The following FABP2 variants were observed in gnomAD, a reference collection of about 807,000 sequenced individuals.
FABP2 encodes fatty acid-binding protein, intestinal.
Under a neutral mutation model 16.1 loss-of-function variants are expected in FABP2, and 11 were observed. The observed-to-expected ratio is 0.68, with a 90% CI of 0.43 to 1.13. The LOEUF is 1.13. FABP2 is among the 50% of genes most tolerant of loss of function. The pLI is 0.00. For synonymous variants in FABP2, 45 were observed against 50.9 expected, an observed-to-expected ratio of 0.88 and a Z score of 0.49; for missense variants, 146 against 155.1, an observed-to-expected ratio of 0.94 and a Z score of 0.31.
chr4:119,320,701 T>A lies in FABP2; in HGVS notation c.209A>T (p.Asn70Ile). The A allele has an allele frequency of 6.3e-7, 1 of 1,599,442 alleles. No individual in the cohort carries two copies. Among genetic ancestry groups the A allele is most frequent in the South Asian group, 1.1e-5 (1 of 88,064 alleles). ...EVVFELGVTF[N>I]YNLADGTELR... is the part of the protein sequence containing the mutation. Reference sequence around the variant, plus strand: ...TTCAGTTCCGTCTGCTAGATTGTAATTAAAGGTGACACCAAGTTCAAAAAC... The same window carrying A: ...TTCAGTTCCGTCTGCTAGATTGTAAATAAAGGTGACACCAAGTTCAAAAAC... Residue 70 changes from asparagine to isoleucine, a missense_variant, in exon 2 of 4, where the codon AAT becomes ATT. Transcript: ENST00000274024.
chr4:119,319,660 A>G lies in FABP2; in HGVS notation c.241-17T>C. The G allele has an allele frequency of 9.9e-7, 1 of 1,006,952 alleles. No individual in the cohort carries two copies. The allele number at this position is 1,006,952 out of a possible 1,614,324, so 62.4% of individuals were successfully genotyped here. Reference sequence around the variant, plus strand: ...CCAGGTCCCCTACATAATAATAATAATAATAATAATAATAATAATGGCATT... The same window carrying G: ...CCAGGTCCCCTACATAATAATAATAGTAATAATAATAATAATAATGGCATT... On this transcript the variant is annotated splice_polypyrimidine_tract_variant and intron_variant, in intron 2 of 3. Coordinates refer to ENST00000274024, the MANE Select transcript of FABP2 (RefSeq NM_000134.4).
chr4:119,318,224 T>TA lies in FABP2; in HGVS notation c.*816dup, dbSNP rs1001914831. 7.2e-5 allele frequency: 11 copies of TA among 152,122 alleles called. No individual in the cohort carries two copies. The highest frequency in any genetic ancestry group is 1.2e-4 in the Non-Finnish European group (8 of 67,990). 9.4% of individuals were successfully genotyped at this position (152,122 alleles called of 1,614,324 possible). On this transcript the variant is annotated 3_prime_UTR_variant, in exon 4 of 4. Coordinates refer to ENST00000274024, the MANE Select transcript of FABP2 (RefSeq NM_000134.4). Reference sequence around the variant, plus strand: ...CCCCCAGGGAAGAGAGCTGAGAGGATATCTATCAAAATCAGAATGGCAATT... The same window carrying TA: ...CCCCCAGGGAAGAGAGCTGAGAGGATAATCTATCAAAATCAGAATGGCAATT...
rs570249897 is a variant in FABP2 at position 119,318,493 on chromosome 4, G to A, written c.*548C>T. 19 of 152,294 alleles carry A rather than the reference G, an allele frequency of 1.2e-4. No homozygotes were observed. The highest frequency in any genetic ancestry group is 3.9e-4 in the African/African-American group (16 of 41,484). 9.4% of individuals were successfully genotyped at this position (152,294 alleles called of 1,614,324 possible). On this transcript the variant is annotated 3_prime_UTR_variant, in exon 4 of 4. Transcript: ENST00000274024. Reference sequence around the variant, plus strand: ...GCAGGAGGATTGCTTGAGGCCAGGGGTTCAAGACCAGCCTGGGCAATATAG... The same window carrying A: ...GCAGGAGGATTGCTTGAGGCCAGGGATTCAAGACCAGCCTGGGCAATATAG...
Position 119,320,658 on chromosome 4 carries a change from A to G in FABP2, c.240+12T>C, listed in dbSNP as rs1755651101. On this transcript the variant is annotated intron_variant, in intron 2 of 3. Transcript: ENST00000274024. ...TCAAGAATGCATTGCTCATAAAAAA[A>G]AAAATTCTTACCCTGAGTTCAGTTC... 1.9e-6 allele frequency: 3 copies of G among 1,555,764 alleles called. No individual in the cohort carries two copies. The highest frequency in any genetic ancestry group is 2.6e-6 in the Non-Finnish European group (3 of 1,163,674).
chr4:119,318,927 T>C lies in FABP2; in HGVS notation c.*114A>G. 4 of 756,428 alleles carry C rather than the reference T, an allele frequency of 5.3e-6. No homozygotes were observed. The South Asian group carries it at 5.8e-5, about 11-fold the overall frequency. 46.9% of individuals were successfully genotyped at this position (756,428 alleles called of 1,614,324 possible). On this transcript the variant is annotated 3_prime_UTR_variant, in exon 4 of 4. Transcript: ENST00000274024. ...ATGAATGGAAATATACCAATGTTTA[T>C]AAAAGGACCAATCAATCAGTAACCT...
chr4:119,321,801 G>A (rs1755674118), intron 1 of FABP2, among the ~76,000 whole-genome samples: 1 of 151,960 alleles, frequency 6.6e-6, no homozygotes, highest in Non-Finnish European at 1.5e-5. Flanking sequence ...GATCTTTTTG[G>A]TGTGTTTCAG....
At position 119,318,935 on chromosome 4, in the gene FABP2, C is replaced by G. The variant is rs1303209657; in HGVS notation, c.*106G>C. 1.2e-6 allele frequency: 1 copy of G among 807,666 alleles called. No individual in the cohort carries two copies. Among genetic ancestry groups the G allele is most frequent in the Non-Finnish European group, 2.0e-6 (1 of 508,688 alleles). The allele number at this position is 807,666 out of a possible 1,614,324, so 50.0% of individuals were successfully genotyped here. ...AAATATACCAATGTTTATAAAAGGACCAATCAATCAGTAACCTTATACTTG... is the reference window on the plus strand; with the variant it reads ...AAATATACCAATGTTTATAAAAGGAGCAATCAATCAGTAACCTTATACTTG... On this transcript the variant is annotated 3_prime_UTR_variant, in exon 4 of 4. Transcript: ENST00000274024.
intron 1 of FABP2, among the ~76,000 whole-genome samples, 198 bp from the exon 2 acceptor site, chr4:119,321,040 C>T (rs994806089): frequency 5.9e-5 from 9 of 152,018 alleles, no homozygotes; most frequent in African/African-American, 2.2e-4. Flanking sequence ...GTTGTTTTTC[C>T]ATAACTTGAG....
At position 119,320,734 on chromosome 4, in the gene FABP2, A is replaced by C. The variant is rs376304732; in HGVS notation, c.176T>G (p.Ile59Ser). 9 of 1,605,578 alleles carry C rather than the reference A, an allele frequency of 5.6e-6. No individual in the cohort carries two copies. Among genetic ancestry groups the C allele is most frequent in the Non-Finnish European group, 7.6e-6 (9 of 1,177,254 alleles). ...TVKESSTFRN[I>S]EVVFELGVTF... ...GACACCAAGTTCAAAAACAACTTCA[A>C]TGTTTCGAAAAGTGCTTGATTCTTT... The change falls in exon 2 of 4, where the codon ATT becomes AGT. Residue 59 changes from isoleucine (I) to serine (S), a missense_variant. By Grantham distance (142) the Ile-to-Ser change is moderately radical. Coordinates refer to ENST00000274024, the MANE Select transcript of FABP2 (RefSeq NM_000134.4).
At position 119,317,866 on chromosome 4, in the gene FABP2, A is replaced by C. The variant is rs2149497781; in HGVS notation, c.*1175T>G. The C allele has an allele frequency of 6.6e-6, 1 of 152,104 alleles. No individual in the cohort carries two copies. Among genetic ancestry groups the C allele is most frequent in the South Asian group, 2.1e-4 (1 of 4,824 alleles). 9.4% of individuals were successfully genotyped at this position (152,104 alleles called of 1,614,324 possible). ...GCAATGTATGTGTTTATGTGAAAAAACCCACAACAACAAAAAAGAAGGGGG... is the reference window on the plus strand; with the variant it reads ...GCAATGTATGTGTTTATGTGAAAAACCCCACAACAACAAAAAAGAAGGGGG... On this transcript the variant is annotated 3_prime_UTR_variant, in exon 4 of 4. Transcript: ENST00000274024.
Position 119,319,018 on chromosome 4 carries a change from G to T in FABP2, c.*23C>A. 1 of 1,577,046 alleles carries T rather than the reference G, an allele frequency of 6.3e-7. No homozygotes were observed. Among genetic ancestry groups the T allele is most frequent in the Non-Finnish European group, 8.6e-7 (1 of 1,159,974 alleles). On this transcript the variant is annotated 3_prime_UTR_variant, in exon 4 of 4. Coordinates refer to ENST00000274024, the MANE Select transcript of FABP2 (RefSeq NM_000134.4). ...AGATCTTCTGTCCAATTTGTATTTT[G>T]GACTGTGCGCCAAGAATAATGCTCA...
In FABP2 at chr4:119,318,967, T is replaced by C; in HGVS notation, c.*74A>G. The C allele has an allele frequency of 8.5e-7, 1 of 1,174,014 alleles. No homozygotes were observed. Among genetic ancestry groups the C allele is most frequent in the Non-Finnish European group, 1.2e-6 (1 of 811,454 alleles). 72.7% of individuals were successfully genotyped at this position (1,174,014 alleles called of 1,614,324 possible). On this transcript the variant is annotated 3_prime_UTR_variant, in exon 4 of 4. Coordinates refer to ENST00000274024, the MANE Select transcript of FABP2 (RefSeq NM_000134.4). ...ATCAGTAACCTTATACTTGATGGGG[T>C]GAAATAAATAGTTCTGGTACAATAT... is the stretch of plus-strand genomic sequence containing the variant.
At chr4:119,319,188 T>A (rs1403177118) in intron 3 of FABP2, 97 bp from the exon 4 acceptor site, 1 of 505,246 alleles carries the variant, frequency 2.0e-6, no homozygotes, top group Non-Finnish European at 3.2e-6. Context: ...GAGTTTATAC[T>A]ATTTTTATAT....
chr4:119,320,710 A>G lies in FABP2; in HGVS notation c.200T>C (p.Val67Ala). The G allele has an allele frequency of 6.2e-7, 1 of 1,602,090 alleles. No individual in the cohort carries two copies. The highest frequency in any genetic ancestry group is 8.5e-7 in the Non-Finnish European group (1 of 1,176,306). The change falls in exon 2 of 4, where the codon GTC becomes GCC. Residue 67 changes from valine (V) to alanine (A), a missense_variant. By Grantham distance (64) the Val-to-Ala change is moderately conservative. Transcript: ENST00000274024. Reference protein sequence around the residue: ...RNIEVVFELGVTFNYNLADGT... With the variant: ...RNIEVVFELGATFNYNLADGT... ...GTCTGCTAGATTGTAATTAAAGGTG[A>G]CACCAAGTTCAAAAACAACTTCAAT...
Position 119,319,596 on chromosome 4 carries a change from C to T in FABP2, c.288G>A (p.Arg96=). Residue 96 remains arginine (R), a synonymous_variant, in exon 3 of 4, where the codon CGG becomes CGA. Coordinates refer to ENST00000274024, the MANE Select transcript of FABP2 (RefSeq NM_000134.4). ...EGNKLIGKFK[R]TDNGNELNTV... Reference sequence around the variant, plus strand: ...TATTCAGTTCGTTTCCATTGTCTGTCCGTTTGAATTTTCCAATAAGTTTAT... The same window carrying T: ...TATTCAGTTCGTTTCCATTGTCTGTTCGTTTGAATTTTCCAATAAGTTTAT... 6.5e-7 allele frequency: 1 copy of T among 1,536,244 alleles called. No individual in the cohort carries two copies. Among genetic ancestry groups the T allele is most frequent in the Non-Finnish European group, 8.8e-7 (1 of 1,141,760 alleles).
At chr4:119,321,296 G>C (rs906062983) in intron 1 of FABP2, among the ~76,000 whole-genome samples, 6 of 151,540 alleles carry the variant, frequency 4.0e-5, no homozygotes, top group Non-Finnish European at 5.9e-5. Flanking sequence ...AGTTCTATTT[G>C]CTTCTTGTGG....
In FABP2 at chr4:119,319,624, C is replaced by G. The variant is rs370366662; in HGVS notation, c.260G>C (p.Gly87Ala). The change falls in exon 3 of 4, where the codon GGA (glycine) becomes GCA (alanine). Residue 87 changes from glycine (G) to alanine (A), a missense_variant. Physicochemically the swap from Gly to Ala is moderately conservative, Grantham distance 60. Transcript: ENST00000274024. ...TELRGTWSLE[G>A]NKLIGKFKRT... Reference sequence around the variant, plus strand: ...TTTGAATTTTCCAATAAGTTTATTTCCCTCAAGGCTCCAGGTCCCCTACAT... The same window carrying G: ...TTTGAATTTTCCAATAAGTTTATTTGCCTCAAGGCTCCAGGTCCCCTACAT... 12 of 1,504,028 alleles carry G rather than the reference C, an allele frequency of 8.0e-6. No homozygotes were observed. The highest frequency in any genetic ancestry group is 8.0e-6 in the Non-Finnish European group (9 of 1,124,316). 93.2% of individuals were successfully genotyped at this position (1,504,028 alleles called of 1,614,324 possible).
chr4:119,320,956 T>C, intron 1 of FABP2, 114 bp from the exon 2 acceptor site: 1 of 793,664 alleles, frequency 1.3e-6, no homozygotes, highest in Non-Finnish European at 1.9e-6. Context: ...CTCGGTAGCA[T>C]TGCCTTTGCA....
intron 2 of FABP2, 114 bp from the exon 3 acceptor site, chr4:119,319,757 T>C (rs1276103997): frequency 5.0e-6 from 2 of 397,764 alleles, no homozygotes; most frequent in African/African-American, 2.1e-5. Flanking sequence ...ATCTTCATGG[T>C]GACCCTATGA....
Sources: allele counts gnomAD v4.1 joint callset (sites outside exome capture counted in the v4.1 genomes callset), GRCh38; gene constraint gnomAD v4.1.1; transcripts MANE v1.5; gene names NCBI Gene and HGNC (gene_info 2026-07-23, HGNC 2026-07-21).